Variants in IQGAP2 observed in about 807,000 individuals in gnomAD.
IQGAP2 encodes ras GTPase-activating-like protein IQGAP2.
IQGAP2 carries 173 observed loss-of-function variants against 201.3 expected under a neutral mutation model. The observed-to-expected ratio is 0.86, with a 90% CI of 0.76 to 0.98. The LOEUF (loss-of-function observed/expected upper bound fraction) is 0.98. Among genes scored for constraint, IQGAP2 ranks in the 50% least tolerant of loss-of-function variants. IQGAP2 has a pLI of 0.00. For missense variants in IQGAP2, 1,687 were observed against 1,864.8 expected, an observed-to-expected ratio of 0.90 and a Z score of 1.76; for synonymous variants, 675 against 673.9, an observed-to-expected ratio of 1.00 and a Z score of -0.03.
At chr5:76,549,810 TTTAAC>T (rs888353128) in intron 2 of IQGAP2, among the ~76,000 whole-genome samples, 4 of 152,070 alleles carry the variant, frequency 2.6e-5, no homozygotes, top group African/African-American at 9.7e-5. Flanking sequence ...ATCACCTCAT[TTTAAC>T]TTAACCATCT....
At chr5:76,614,542 T>C (rs1748724488) in intron 13 of IQGAP2, among the ~76,000 whole-genome samples, 1 of 152,108 alleles carries the variant, frequency 6.6e-6, no homozygotes. Flanking sequence ...TGTTCTTTTT[T>C]CTTGGAAAAA....
chr5:76,698,245 C>T (rs970778213), intron 33 of IQGAP2, 98 bp downstream of exon 33: 5 of 853,000 alleles, frequency 5.9e-6, no homozygotes, highest in Admixed American at 3.0e-5. Context: ...TGGAAGAAAA[C>T]TTTTTGCTCT....
At chr5:76,639,886 G>A (rs1348421608) in intron 16 of IQGAP2, among the ~76,000 whole-genome samples, 1 of 151,980 alleles carries the variant, frequency 6.6e-6, no homozygotes, top group Non-Finnish European at 1.5e-5. Flanking sequence ...TAATTTTGAA[G>A]AAAAAAATGA....
At position 76,695,685 on chromosome 5, in the gene IQGAP2, C is replaced by T; in HGVS notation, c.4206+19C>T. ...TGCCAAGGTTTTTGGAAACAGTATTCTTTCTTCCTTCACTTAGCAGACATT... is the reference window on the plus strand; with the variant it reads ...TGCCAAGGTTTTTGGAAACAGTATTTTTTCTTCCTTCACTTAGCAGACATT... On this transcript the variant is annotated intron_variant, in intron 32 of 35. Coordinates refer to ENST00000274364, the MANE Select transcript of IQGAP2 (RefSeq NM_006633.5). 1.3e-6 allele frequency: 2 copies of T among 1,593,010 alleles called. No individual in the cohort carries two copies. Among genetic ancestry groups the T allele is most frequent in the Non-Finnish European group, 1.7e-6 (2 of 1,161,470 alleles).
At chr5:76,649,933 T>G (rs951023566) in intron 17 of IQGAP2, among the ~76,000 whole-genome samples, 1 of 152,222 alleles carries the variant, frequency 6.6e-6, no homozygotes, top group African/African-American at 2.4e-5. Context: ...TAACATGACA[T>G]GGAAGGCACT....
intron 8 of IQGAP2, among the ~76,000 whole-genome samples, chr5:76,591,896 G>C (rs1012413414): frequency 1.3e-5 from 2 of 152,128 alleles, no homozygotes; most frequent in Non-Finnish European, 2.9e-5. Flanking sequence ...TGACTTCCCT[G>C]GTTCAGAATG....
At chr5:76,651,735 T>C (rs1561551852) in intron 17 of IQGAP2, among the ~76,000 whole-genome samples, 1 of 145,014 alleles carries the variant, frequency 6.9e-6, no homozygotes, top group South Asian at 2.2e-4. Context: ...AATTAAAAGG[T>C]TTTTTTTTTT....
Position 76,567,204 on chromosome 5 carries a change from T to C in IQGAP2, c.304-3376T>C, listed in dbSNP as rs1744811469. Among the ~76,000 whole-genome samples, 5 of 152,318 alleles carry C rather than the reference T, an allele frequency of 3.3e-5. No individual in the cohort carries two copies. The South Asian group carries it at 1.0e-3, about 32-fold the overall frequency. On this transcript the variant is annotated intron_variant, in intron 3 of 35. Transcript: ENST00000274364. ...CTCTCTGAGCCTCAGTTTCCTCACC[T>C]GTGAAGTGGGAATACAGATTGAATA...
chr5:76,515,656 C>T (rs751815248), intron 2 of IQGAP2, among the ~76,000 whole-genome samples: 1 of 152,208 alleles, frequency 6.6e-6, no homozygotes, highest in Non-Finnish European at 1.5e-5. Flanking sequence ...AAGTAAAGCA[C>T]ATTTCACCAA....
chr5:76,416,057 G>A (rs1580143587), intron 1 of IQGAP2, among the ~76,000 whole-genome samples: 1 of 152,184 alleles, frequency 6.6e-6, no homozygotes, highest in Non-Finnish European at 1.5e-5. Flanking sequence ...AAAGTGGAGT[G>A]TTCTCTTGAC....
chr5:76,620,349 C>T (rs920291405), intron 13 of IQGAP2, among the ~76,000 whole-genome samples: 5 of 135,782 alleles, frequency 3.7e-5, no homozygotes, highest in Admixed American at 7.2e-5. Flanking sequence ...ACTCTGATGG[C>T]GGCTTAAAGG....
chr5:76,597,466 C>T lies in IQGAP2; in HGVS notation c.935C>T (p.Ala312Val), dbSNP rs1308473061. 5.0e-6 allele frequency: 8 copies of T among 1,613,992 alleles called. No homozygotes were observed. The highest frequency in any genetic ancestry group is 5.9e-6 in the Non-Finnish European group (7 of 1,179,966). ...CAGGCTGCAGTGGACCATATCAATG[C>T]TGTCATTCCGGAAGGTGACCCCGAG... ...NRQAAVDHIN[A>V]VIPEGDPENT... is the part of the protein sequence containing the mutation. The change falls in exon 10 of 36, where the codon GCT becomes GTT. Residue 312 changes from alanine (A) to valine (V), a missense_variant. Ala to Val is a moderately conservative substitution (Grantham distance 64). Transcript: ENST00000274364.
At chr5:76,606,102 T>C in intron 11 of IQGAP2, 77 bp from the exon 12 acceptor site, 18 of 1,268,854 alleles carry the variant, frequency 1.4e-5, no homozygotes, top group East Asian at 2.4e-5. Flanking sequence ...TGTTTGACCA[T>C]GTGTCATAGT....
chr5:76,467,095 T>C (rs1408361312), intron 2 of IQGAP2, among the ~76,000 whole-genome samples: 3 of 151,796 alleles, frequency 2.0e-5, no homozygotes, highest in Non-Finnish European at 4.4e-5. Context: ...TACAAAAAAA[T>C]AGAAAAATTA....
intron 30 of IQGAP2, among the ~76,000 whole-genome samples, chr5:76,687,217 A>T (rs58875870): frequency 2.0e-5 from 3 of 152,322 alleles, no homozygotes; most frequent in African/African-American, 7.2e-5. Flanking sequence ...TCCTCTTGGC[A>T]TACTGTGAGA....
At chr5:76,519,000 C>A (rs780291719) in intron 2 of IQGAP2, among the ~76,000 whole-genome samples, 5 of 152,146 alleles carry the variant, frequency 3.3e-5, no homozygotes, top group Non-Finnish European at 7.4e-5. Flanking sequence ...GAAGATGAGA[C>A]AATGAGTCTA....
chr5:76,571,111 A>G (rs545255276), intron 4 of IQGAP2, among the ~76,000 whole-genome samples: 17 of 152,070 alleles, frequency 1.1e-4, no homozygotes, highest in Admixed American at 2.6e-4. Context: ...AAAAAAAAAA[A>G]AAAAGAAATC....
intron 1 of IQGAP2, among the ~76,000 whole-genome samples, chr5:76,451,226 G>T (rs1753723420): frequency 6.6e-6 from 1 of 152,132 alleles, no homozygotes; most frequent in Non-Finnish European, 1.5e-5. Flanking sequence ...AAGTGTGCTG[G>T]CTGTTACTTG....
intron 12 of IQGAP2, chr5:76,608,956 C>A: frequency 1.4e-6 from 1 of 738,180 alleles, no homozygotes; most frequent in Non-Finnish European, 2.2e-6. Context: ...AAGAAGTGGA[C>A]CGTGGGCTGA....
Sources: allele counts gnomAD v4.1 joint callset (sites outside exome capture counted in the v4.1 genomes callset), GRCh38; gene constraint gnomAD v4.1.1; transcripts MANE v1.5; gene names NCBI Gene and HGNC (gene_info 2026-07-23, HGNC 2026-07-21).